Variants in BIVM observed in about 807,000 individuals in gnomAD.
BIVM encodes basic, immunoglobulin-like variable motif containing.
BIVM carries 31 observed loss-of-function variants against 61.4 expected under a neutral mutation model. The observed-to-expected ratio is 0.51, with a 90% CI of 0.38 to 0.68. The LOEUF (loss-of-function observed/expected upper bound fraction) is 0.68, where lower values mean the gene tolerates loss of function less well. Ranked by LOEUF, BIVM falls within the 30% of genes least tolerant of loss-of-function variation. BIVM has a pLI of 0.00. For missense variants in BIVM, 526 were observed against 596.0 expected, an observed-to-expected ratio of 0.88 and a Z score of 1.22; for synonymous variants, 189 against 210.7, an observed-to-expected ratio of 0.90 and a Z score of 0.89.
intron 5 of BIVM, among the ~76,000 whole-genome samples, chr13:102,821,536 A>T (rs796823420): frequency 6.6e-6 from 1 of 152,310 alleles, no homozygotes; most frequent in South Asian, 2.1e-4. Context: ...CAGGAGTTTA[A>T]GGCTGCAGTG....
intron 3 of BIVM, among the ~76,000 whole-genome samples, chr13:102,812,259 T>C (rs1396886591): frequency 6.6e-6 from 1 of 152,230 alleles, no homozygotes; most frequent in Non-Finnish European, 1.5e-5. Context: ...GATATTTCCA[T>C]GTTCTTCATA....
In BIVM at chr13:102,839,732, A is replaced by G. The variant is rs772714689; in HGVS notation, c.1379A>G (p.Lys460Arg). 3.7e-6 allele frequency: 6 copies of G among 1,614,202 alleles called. No individual in the cohort carries two copies. Among genetic ancestry groups the G allele is most frequent in the Non-Finnish European group, 5.1e-6 (6 of 1,180,040 alleles). The change falls in exon 11 of 11, where the codon AAG becomes AGG. Residue 460 changes from lysine (K) to arginine (R), a missense_variant. By Grantham distance (26) the Lys-to-Arg change is conservative. This residue lies in a region of BIVM where 210 missense variants were observed against 233.1 expected (regional missense o/e 0.90). Transcript: ENST00000257336. ...KSESEDNISK[K>R]QHGRLGRSFS... ...GAGAGTGAAGACAATATTTCCAAGA[A>G]GCAGCATGGGCGTCTGGGCCGGTCT...
At chr13:102,834,222 G>A (rs1881308988) in intron 8 of BIVM, among the ~76,000 whole-genome samples, 1 of 152,098 alleles carries the variant, frequency 6.6e-6, no homozygotes, top group South Asian at 2.1e-4. Flanking sequence ...GAATTTTAGA[G>A]GTGGTATATT....
intron 3 of BIVM, among the ~76,000 whole-genome samples, chr13:102,812,675 A>C (rs1879579962): frequency 6.6e-6 from 1 of 152,130 alleles, no homozygotes; most frequent in South Asian, 2.1e-4. Flanking sequence ...TTGCTTTTGA[A>C]TATACTGTTT....
At chr13:102,819,702 TGACACACA>T (rs1391096166) in intron 4 of BIVM, among the ~76,000 whole-genome samples, 2 of 152,056 alleles carry the variant, frequency 1.3e-5, no homozygotes, top group African/African-American at 4.8e-5. Flanking sequence ...CAAACCACCA[TGACACACA>T]TTTATCTATG....
At chr13:102,817,731 T>C (rs1879968958) in intron 4 of BIVM, among the ~76,000 whole-genome samples, 1 of 152,112 alleles carries the variant, frequency 6.6e-6, no homozygotes, top group Admixed American at 6.5e-5. Flanking sequence ...TTCTGTAGCT[T>C]TCACTGATCA....
At position 102,807,058 on chromosome 13, in the gene BIVM, G is replaced by C. The variant is rs1879156820; in HGVS notation, c.-122-88G>C. 1.0e-5 allele frequency: 5 copies of C among 488,012 alleles called. No homozygotes were observed. The highest frequency in any genetic ancestry group is 1.4e-5 in the Non-Finnish European group (4 of 278,482). 30.2% of individuals were successfully genotyped at this position (488,012 alleles called of 1,614,324 possible). Reference sequence around the variant, plus strand: ...GTTGTAAAATTAATATAGAATGAAGGCATATGTATGCATAAAACTTGCTAT... The same window carrying C: ...GTTGTAAAATTAATATAGAATGAAGCCATATGTATGCATAAAACTTGCTAT... On this transcript the variant is annotated intron_variant, in intron 2 of 10. Coordinates refer to ENST00000257336, the MANE Select transcript of BIVM (RefSeq NM_017693.4). The surrounding 1 kb of genome is among the most constrained non-coding windows in gnomAD (Gnocchi z 4.0).
At position 102,840,954 on chromosome 13, in the gene BIVM, T is replaced by A. The variant is rs866529248; in HGVS notation, c.*1089T>A. The stretch of plus-strand genomic sequence containing the variant: ...TGATTGCTTTCTCAGTATGGAGTCA[T>A]ATGTTGATAACAGTACTGAAGATGC... On this transcript the variant is annotated 3_prime_UTR_variant, in exon 11 of 11. Transcript: ENST00000257336. 6.6e-6 allele frequency: 1 copy of A among 152,598 alleles called. No individual in the cohort carries two copies. Among genetic ancestry groups the A allele is most frequent in the Non-Finnish European group, 1.5e-5 (1 of 68,040 alleles). The allele number at this position is 152,598 out of a possible 1,614,324, so 9.5% of individuals were successfully genotyped here. A position where few individuals can be genotyped will look rare whatever the true frequency, so the allele number is the denominator to read the frequency against.
intron 2 of BIVM, among the ~76,000 whole-genome samples, chr13:102,805,979 T>C (rs930453807): frequency 6.6e-6 from 1 of 152,262 alleles, no homozygotes; most frequent in African/African-American, 2.4e-5. Flanking sequence ...TGTGTGAAGA[T>C]GTATTTTCAT....
In BIVM at chr13:102,807,613, A is replaced by G. The variant is rs997280970; in HGVS notation, c.346A>G (p.Thr116Ala). ...SSRYIGIPTS[T>A]SEIIYNEENS... The stretch of plus-strand genomic sequence containing the variant: ...AAGATACATTGGTATCCCGACTAGT[A>G]CATCGGAAATTATCTACAATGAAGA... Residue 116 changes from threonine (T) to alanine (A), a missense_variant, in exon 3 of 11, where the codon ACA becomes GCA. Physicochemically the swap from Thr to Ala is moderately conservative, Grantham distance 58. Transcript: ENST00000257336. This position sits in a 1 kb window ranked among gnomAD's most constrained non-coding sequence, Gnocchi z 4.0. The G allele has an allele frequency of 1.9e-6, 3 of 1,614,070 alleles. No individual in the cohort carries two copies. Among genetic ancestry groups the G allele is most frequent in the Non-Finnish European group, 2.5e-6 (3 of 1,180,058 alleles).
Position 102,821,666 on chromosome 13 carries a change from A to G in BIVM, c.702-77A>G, listed in dbSNP as rs371704305. 5.6e-6 allele frequency: 7 copies of G among 1,247,824 alleles called. No individual in the cohort carries two copies. The African/African-American group carries it at 9.2e-5, about 16-fold the overall frequency. 77.3% of individuals were successfully genotyped at this position (1,247,824 alleles called of 1,614,324 possible). ...AATATTATTTGCAAATCAGACAAGC[A>G]TATTAACATTGAGACAGGCTGTATT... is the stretch of plus-strand genomic sequence containing the variant. On this transcript the variant is annotated intron_variant, in intron 5 of 10. Transcript: ENST00000257336.
chr13:102,810,241 G>A (rs1879407094), intron 3 of BIVM, among the ~76,000 whole-genome samples: 2 of 152,044 alleles, frequency 1.3e-5, no homozygotes, highest in Admixed American at 6.5e-5. Flanking sequence ...TTTATGACTG[G>A]TTTATTTATA....
chr13:102,831,429 T>G lies in BIVM; in HGVS notation c.902-136T>G, dbSNP rs375348005. The G allele has an allele frequency of 3.0e-4, 400 of 1,346,690 alleles. 2 individuals carry two copies. Among genetic ancestry groups the G allele is most frequent in the African/African-American group, 2.8e-3 (195 of 68,774 alleles). The allele number at this position is 1,346,690 out of a possible 1,614,324, so 83.4% of individuals were successfully genotyped here. A position where few individuals can be genotyped will look rare whatever the true frequency, so the allele number is the denominator to read the frequency against. On this transcript the variant is annotated intron_variant, in intron 7 of 10. Coordinates refer to ENST00000257336, the MANE Select transcript of BIVM (RefSeq NM_017693.4). ...ACATTTTTTGTACCTATCAATAGCT[T>G]CTTGTTTTTCCCCAGCAGTGTCAGT...
intron 9 of BIVM, among the ~76,000 whole-genome samples, chr13:102,837,952 A>T (rs1165269120): frequency 6.6e-6 from 1 of 152,224 alleles, no homozygotes; most frequent in Non-Finnish European, 1.5e-5. Context: ...GATTCAGTGT[A>T]CACTGCTTGG....
In BIVM at chr13:102,833,327, G is replaced by GTTTTTTT. The variant is rs532303115; in HGVS notation, c.1035-1127_1035-1121dup. 1.4e-3 allele frequency among the ~76,000 whole-genome samples: 115 copies of GTTTTTTT among 79,586 alleles called. 16 individuals carry two copies. The highest frequency in any genetic ancestry group is 4.2e-3 in the Admixed American group (25 of 5,960). 52.2% of individuals were successfully genotyped at this position (79,586 alleles called of 152,430 possible). ...TGGCTTGGTCATGGGGATAGGATGG[G>GTTTTTTT]TTTTTTTTTTTTTTTTTTGAGACAA... On this transcript the variant is annotated intron_variant, in intron 8 of 10. Coordinates refer to ENST00000257336, the MANE Select transcript of BIVM (RefSeq NM_017693.4).
At chr13:102,809,337 A>G (rs1162529067) in intron 3 of BIVM, among the ~76,000 whole-genome samples, 1 of 152,146 alleles carries the variant, frequency 6.6e-6, no homozygotes, top group Non-Finnish European at 1.5e-5. Flanking sequence ...ATTGATTTCT[A>G]GTTTAGTTCC....
chr13:102,812,532 GTTTTTT>G (rs1242520942), intron 3 of BIVM, among the ~76,000 whole-genome samples: 2 of 152,012 alleles, frequency 1.3e-5, no homozygotes, highest in Non-Finnish European at 2.9e-5. Flanking sequence ...TTTAGTTTTT[GTTTTTT>G]GATTGCTATA....
At chr13:102,814,367 A>G (rs1235536279) in intron 3 of BIVM, among the ~76,000 whole-genome samples, 1 of 152,120 alleles carries the variant, frequency 6.6e-6, no homozygotes. Flanking sequence ...TTTATGAAGT[A>G]CGCTCATTTG....
intron 9 of BIVM, 65 bp downstream of exon 9, chr13:102,834,617 T>A (rs1308440054): frequency 9.0e-6 from 13 of 1,437,524 alleles, no homozygotes; most frequent in African/African-American, 4.4e-5. Flanking sequence ...AATGCACAGA[T>A]CTTAGTTGTA....
Sources: gnomAD v4.1 joint callset for allele counts (sites outside exome capture counted in the v4.1 genomes callset) on GRCh38, gnomAD v4.1.1 for gene constraint, gnomAD v4.1.1 regional missense constraint, Gnocchi (gnomAD v3.1) non-coding constraint, MANE v1.5 for transcripts, NCBI Gene and HGNC (gene_info 2026-07-23, HGNC 2026-07-21) for gene names.